Variants in FER1L6 observed in about 807,000 individuals in gnomAD.
FER1L6 encodes the protein fer-1 like family member 6.
A neutral mutation model predicts 219.2 loss-of-function variants in FER1L6; 177 were observed. That is an observed-to-expected ratio of 0.81 (90% confidence interval 0.71 to 0.91). The LOEUF (loss-of-function observed/expected upper bound fraction) is 0.91. FER1L6 is among the 40% of genes least tolerant of loss of function. The pLI is 0.00. For missense variants in FER1L6, 2,153 were observed against 2,259.9 expected, an observed-to-expected ratio of 0.95 and a Z score of 0.96; for synonymous variants, 768 against 824.3, an observed-to-expected ratio of 0.93 and a Z score of 1.17.
chr8:123,996,453 C>T (rs570164214), intron 12 of FER1L6, among the ~76,000 whole-genome samples: 6 of 152,102 alleles, frequency 3.9e-5, no homozygotes, highest in Admixed American at 1.3e-4. Context: ...ATATCTACTC[C>T]TGTTTTTTGT....
chr8:123,990,083 A>G (rs923356322), intron 12 of FER1L6, among the ~76,000 whole-genome samples: 4 of 152,126 alleles, frequency 2.6e-5, no homozygotes, highest in East Asian at 1.9e-4. Flanking sequence ...CCTGGCTAAC[A>G]TGGTGAAACC....
chr8:123,878,613 C>T (rs1817053057), intron 1 of FER1L6, among the ~76,000 whole-genome samples: 1 of 152,204 alleles, frequency 6.6e-6, no homozygotes, highest in African/African-American at 2.4e-5. Flanking sequence ...GAGTAAGTTT[C>T]CTTACCCATG....
At chr8:123,911,457 T>C (rs1251834427) in intron 1 of FER1L6, among the ~76,000 whole-genome samples, 1 of 152,206 alleles carries the variant, frequency 6.6e-6, no homozygotes, top group Non-Finnish European at 1.5e-5. Context: ...CCAGTAGTCA[T>C]GTTTATTACC....
At chr8:124,028,582 T>TA (rs1818819429) in intron 18 of FER1L6, among the ~76,000 whole-genome samples, 1 of 152,168 alleles carries the variant, frequency 6.6e-6, no homozygotes, top group Non-Finnish European at 1.5e-5. Flanking sequence ...CTAAACTCTC[T>TA]AAGCTAAAGT....
chr8:123,963,730 A>G (rs575504368), intron 3 of FER1L6, among the ~76,000 whole-genome samples: 1 of 152,294 alleles, frequency 6.6e-6, no homozygotes, highest in Admixed American at 6.5e-5. Flanking sequence ...GGTGCTCATT[A>G]TCTTAGCTTC....
intron 39 of FER1L6, among the ~76,000 whole-genome samples, chr8:124,117,792 TTTTTAGGGTGAATGGGTAA>T (rs1407414065): frequency 6.6e-6 from 1 of 152,202 alleles, no homozygotes; most frequent in Non-Finnish European, 1.5e-5. Context: ...AGTCCTGATC[TTTTTAGGGTGAATGGGTAA>T]GTTAACACAA....
chr8:123,915,056 C>CT (rs1197175307), intron 1 of FER1L6, among the ~76,000 whole-genome samples: 2 of 147,456 alleles, frequency 1.4e-5, no homozygotes, highest in East Asian at 2.0e-4. Context: ...TTTCTTTTTC[C>CT]TTTTTTTCCA....
intron 1 of FER1L6, chr8:123,939,280 T>C: frequency 1.2e-6 from 1 of 827,082 alleles, no homozygotes; most frequent in Non-Finnish European, 1.5e-6. Flanking sequence ...TTTTATTACA[T>C]ATTGTTAAGT....
In FER1L6 at chr8:124,119,989, T is replaced by TTA. The variant is rs1437418174; in HGVS notation, c.*201_*202dup. 5 of 525,032 alleles carry TTA rather than the reference T, an allele frequency of 9.5e-6. No homozygotes were observed. Among genetic ancestry groups the TTA allele is most frequent in the Non-Finnish European group, 1.3e-5 (4 of 308,452 alleles). 32.5% of individuals were successfully genotyped at this position (525,032 alleles called of 1,614,324 possible). ...AAGTTTCAAACTTGTAAGGCATGTT[T>TTA]TATCCCTTGGGCAGCATGAAATAAG... On this transcript the variant is annotated 3_prime_UTR_variant, in exon 41 of 41. Coordinates refer to ENST00000522917, the MANE Select transcript of FER1L6 (RefSeq NM_001039112.2).
chr8:123,908,999 T>C (rs1813005645), intron 1 of FER1L6, among the ~76,000 whole-genome samples: 1 of 152,210 alleles, frequency 6.6e-6, no homozygotes, highest in African/African-American at 2.4e-5. Flanking sequence ...TATAGTCAAC[T>C]GGAGGGGCAT....
chr8:123,955,956 A>G, intron 1 of FER1L6, 36 bp from the exon 2 acceptor site: 1 of 1,567,058 alleles, frequency 6.4e-7, no homozygotes, highest in Non-Finnish European at 8.7e-7. Context: ...AAATGACTCA[A>G]AGTTTTTATT....
intron 1 of FER1L6, 126 bp from the exon 2 acceptor site, chr8:123,955,866 C>T: frequency 1.2e-6 from 1 of 814,478 alleles, no homozygotes; most frequent in Non-Finnish European, 2.0e-6. Flanking sequence ...GTCTTTTGCC[C>T]TCATCCTGGG....
intron 30 of FER1L6, 120 bp from the exon 31 acceptor site, chr8:124,071,386 C>A: frequency 7.5e-7 from 1 of 1,342,172 alleles, no homozygotes; most frequent in Non-Finnish European, 1.0e-6. Context: ...GCAAGTTTAG[C>A]ACCAAACCAG....
chr8:123,900,880 G>T (rs866471627), intron 1 of FER1L6, among the ~76,000 whole-genome samples: 1 of 152,084 alleles, frequency 6.6e-6, no homozygotes, highest in African/African-American at 2.4e-5. Context: ...TTATCTTTTT[G>T]ATATGTTGTT....
At chr8:124,016,384 C>G (rs938578320) in intron 15 of FER1L6, among the ~76,000 whole-genome samples, 3 of 152,104 alleles carry the variant, frequency 2.0e-5, no homozygotes, top group African/African-American at 7.2e-5. Flanking sequence ...GGTGGTGTGG[C>G]ATCTTAGACT....
At chr8:124,056,997 T>A (rs774439059) in intron 22 of FER1L6, among the ~76,000 whole-genome samples, 7 of 152,064 alleles carry the variant, frequency 4.6e-5, no homozygotes, top group Non-Finnish European at 8.8e-5. Flanking sequence ...TGAGCAGGGA[T>A]CGCACCTCTG....
intron 1 of FER1L6, among the ~76,000 whole-genome samples, chr8:123,927,915 CT>C (rs926432520): frequency 2.6e-5 from 4 of 151,742 alleles, no homozygotes; most frequent in African/African-American, 4.8e-5. Flanking sequence ...CTTTTCATGG[CT>C]TTTTTTTCTT....
At chr8:124,023,423 C>T (rs776155161) in intron 17 of FER1L6, 21 bp from the exon 18 acceptor site, 3 of 1,608,990 alleles carry the variant, frequency 1.9e-6, no homozygotes, top group Non-Finnish European at 1.7e-6. Context: ...TATTCAATCC[C>T]AACTCCCTCT....
chr8:124,109,096 G>T (rs918872424), intron 39 of FER1L6, among the ~76,000 whole-genome samples: 6 of 152,234 alleles, frequency 3.9e-5, no homozygotes, highest in East Asian at 1.9e-4. Context: ...CGTGTGGATG[G>T]GTTAAGGAGT....
Sources: gnomAD v4.1 joint callset for allele counts (sites outside exome capture counted in the v4.1 genomes callset) on GRCh38, gnomAD v4.1.1 for gene constraint, MANE v1.5 for transcripts, NCBI Gene and HGNC (gene_info 2026-07-23, HGNC 2026-07-21) for gene names.